The following TYW1B variants were observed in gnomAD, a reference collection of about 807,000 sequenced individuals.
TYW1B encodes tRNA-yW synthesizing protein 1 homolog B.
In TYW1B, 73 loss-of-function variants were observed where a neutral mutation model predicts 86.9. The ratio of observed to expected loss-of-function variants is 0.84; its 90% CI spans 0.70 to 1.02. The LOEUF is 1.02. TYW1B is among the 50% of genes least tolerant of loss of function. The pLI is 0.00. For synonymous variants in TYW1B, 248 were observed against 292.8 expected, an observed-to-expected ratio of 0.85 and a Z score of 1.56; for missense variants, 637 against 827.4, an observed-to-expected ratio of 0.77 and a Z score of 2.82.
chr7:72,644,775 A>G (rs1812884540), intron 11 of TYW1B, among the ~76,000 whole-genome samples: 1 of 152,052 alleles, frequency 6.6e-6, no homozygotes. Flanking sequence ...AAGGAAGGAA[A>G]AACAACACAA....
intron 9 of TYW1B, among the ~76,000 whole-genome samples, chr7:72,725,437 A>C (rs1399751173): frequency 6.6e-6 from 1 of 152,120 alleles, no homozygotes; most frequent in Non-Finnish European, 1.5e-5. Flanking sequence ...TCAAAAATCA[A>C]CTTCACATAA....
At chr7:72,756,242 T>TTTTA (rs1787586837) in intron 7 of TYW1B, among the ~76,000 whole-genome samples, 1 of 139,274 alleles carries the variant, frequency 7.2e-6, no homozygotes, top group South Asian at 2.3e-4. Flanking sequence ...TTTTATTTTA[T>TTTTA]TTTATTTTTT....
intron 9 of TYW1B, among the ~76,000 whole-genome samples, chr7:72,726,860 A>G (rs1344978946): frequency 5.3e-5 from 8 of 152,188 alleles, no homozygotes; most frequent in African/African-American, 1.9e-4. Flanking sequence ...GGGAGGCCAC[A>G]GGAAATTTAC....
At chr7:72,787,035 T>C (rs1208808060) in intron 6 of TYW1B, among the ~76,000 whole-genome samples, 14 of 151,794 alleles carry the variant, frequency 9.2e-5, no homozygotes, top group African/African-American at 3.4e-4. Flanking sequence ...AGTATATCAA[T>C]ATGGGGAATG....
intron 12 of TYW1B, among the ~76,000 whole-genome samples, chr7:72,627,384 G>T (rs1812370827): frequency 1.3e-5 from 2 of 151,796 alleles, no homozygotes; most frequent in African/African-American, 4.8e-5. Context: ...GGAGGCGGAG[G>T]TTTCAGTGAG....
At chr7:72,640,931 G>A (rs1362922928) in intron 11 of TYW1B, among the ~76,000 whole-genome samples, 1 of 151,874 alleles carries the variant, frequency 6.6e-6, no homozygotes, top group Non-Finnish European at 1.5e-5. Context: ...CTAGAACAGA[G>A]GTAAAAGAAA....
intron 11 of TYW1B, among the ~76,000 whole-genome samples, chr7:72,643,466 A>T (rs1486269674): frequency 1.3e-5 from 2 of 152,080 alleles, no homozygotes; most frequent in Non-Finnish European, 2.9e-5. Flanking sequence ...GCATGCCTGT[A>T]GTCCCAGCTA....
intron 11 of TYW1B, among the ~76,000 whole-genome samples, chr7:72,674,833 G>C (rs1813698539): frequency 6.8e-6 from 1 of 146,604 alleles, no homozygotes; most frequent in African/African-American, 2.5e-5. Context: ...CTGGGCTCAA[G>C]AGTTCCTTCC....
chr7:72,822,351 T>C (rs140339046), intron 2 of TYW1B, among the ~76,000 whole-genome samples: 1 of 151,808 alleles, frequency 6.6e-6, no homozygotes, highest in African/African-American at 2.4e-5. Context: ...ACAGAACTAA[T>C]GCACACAAAT....
intron 3 of TYW1B, among the ~76,000 whole-genome samples, chr7:72,814,205 G>A (rs1788678178): frequency 6.6e-6 from 1 of 151,832 alleles, no homozygotes. Flanking sequence ...GGGAAGGCTG[G>A]GCATATCTGT....
chr7:72,688,997 T>A (rs1554449900), intron 11 of TYW1B, among the ~76,000 whole-genome samples: 1 of 152,002 alleles, frequency 6.6e-6, no homozygotes, highest in African/African-American at 2.4e-5. Context: ...CAGAGCAGGG[T>A]AAAATGGCAT....
intron 10 of TYW1B, among the ~76,000 whole-genome samples, chr7:72,706,947 G>A (rs1297745379): frequency 6.6e-6 from 1 of 152,204 alleles, no homozygotes; most frequent in Non-Finnish European, 1.5e-5. Flanking sequence ...GGAGAAAATG[G>A]ATTGCATATC....
At chr7:72,644,915 C>T (rs1188322958) in intron 11 of TYW1B, among the ~76,000 whole-genome samples, 1 of 150,554 alleles carries the variant, frequency 6.6e-6, no homozygotes, top group Non-Finnish European at 1.5e-5. Context: ...GCAACCTCTG[C>T]CTCCCGGGTT....
intron 11 of TYW1B, among the ~76,000 whole-genome samples, chr7:72,638,597 A>G (rs1812726226): frequency 1.3e-5 from 2 of 152,242 alleles, no homozygotes; most frequent in African/African-American, 4.8e-5. Context: ...TAATATCAGG[A>G]GCAAAGCAAG....
chr7:72,603,242 G>A (rs1325272824), intron 13 of TYW1B, among the ~76,000 whole-genome samples: 3 of 151,114 alleles, frequency 2.0e-5, no homozygotes, highest in Non-Finnish European at 4.4e-5. Flanking sequence ...GATGATGGAC[G>A]GACGGATGGA....
intron 11 of TYW1B, among the ~76,000 whole-genome samples, chr7:72,657,233 C>A (rs3015894): frequency 0.45 from 67,821 of 151,782 alleles, 17,267 homozygotes; most frequent in African/African-American, 0.7. Flanking sequence ...AGCTTCAACA[C>A]GAGATTAGAG....
At chr7:72,677,088 T>C (rs1813753100) in intron 11 of TYW1B, among the ~76,000 whole-genome samples, 1 of 152,190 alleles carries the variant, frequency 6.6e-6, no homozygotes, top group South Asian at 2.1e-4. Flanking sequence ...CTAAAAATCA[T>C]ACTTTAGAAG....
intron 7 of TYW1B, among the ~76,000 whole-genome samples, chr7:72,759,259 C>G (rs782208610): frequency 6.6e-6 from 1 of 152,036 alleles, no homozygotes; most frequent in Non-Finnish European, 1.5e-5. Context: ...CGCTTGAGCC[C>G]GGGAGGTGGA....
At chr7:72,592,349 G>A (rs1199542117) in intron 13 of TYW1B, among the ~76,000 whole-genome samples, 1 of 152,052 alleles carries the variant, frequency 6.6e-6, no homozygotes, top group Admixed American at 6.6e-5. Flanking sequence ...TAAAACTTTA[G>A]AATGTTAAAT....
Sources: allele counts gnomAD v4.1 joint callset (sites outside exome capture counted in the v4.1 genomes callset), GRCh38; gene constraint gnomAD v4.1.1; transcripts MANE v1.5; gene names NCBI Gene and HGNC (gene_info 2026-07-23, HGNC 2026-07-21).